Variants in VDAC1 observed in about 807,000 individuals in gnomAD.
VDAC1 encodes voltage dependent anion channel 1.
A neutral mutation model predicts 34.7 loss-of-function variants in VDAC1; 10 were observed. That is an observed-to-expected ratio of 0.29 (90% CI 0.18 to 0.49). The LOEUF (loss-of-function observed/expected upper bound fraction) is 0.49, where lower values mean the gene tolerates loss of function less well. Among genes scored for constraint, VDAC1 ranks in the 20% least tolerant of loss-of-function variants. The pLI is 0.99. For synonymous variants in VDAC1, 130 were observed against 136.0 expected (o/e 0.96, Z 0.30); for missense variants, 230 against 347.9 (o/e 0.66, Z 2.69).
At chr5:134,016,522 T>C in the VDAC1 span, among the ~76,000 whole-genome samples, 2 of 152,100 alleles carry the variant, frequency 1.3e-5, no homozygotes, top group African/African-American at 4.8e-5. Flanking sequence ...ACCCAAGCAG[T>C]TTTTCCTCGA....
chr5:133,985,514 C>T (rs193215094), intron 5 of VDAC1, among the ~76,000 whole-genome samples: 7 of 152,194 alleles, frequency 4.6e-5, no homozygotes, highest in African/African-American at 1.2e-4. Context: ...ATTAGCAGGA[C>T]GTGGTGGCAT....
the VDAC1 span, among the ~76,000 whole-genome samples, chr5:134,013,059 G>C: frequency 6.6e-6 from 1 of 152,114 alleles, no homozygotes; most frequent in Non-Finnish European, 1.5e-5. Context: ...AATGAAACTG[G>C]ACCCCTGCCT....
intron 5 of VDAC1, among the ~76,000 whole-genome samples, chr5:133,983,805 T>C (rs779760632): frequency 3.5e-4 from 53 of 152,176 alleles, no homozygotes; most frequent in African/African-American, 2.2e-4. Flanking sequence ...GGATCCCTCA[T>C]GGATTGGTGC....
At chr5:134,059,498 C>G in the VDAC1 span, among the ~76,000 whole-genome samples, 1 of 152,138 alleles carries the variant, frequency 6.6e-6, no homozygotes, top group East Asian at 1.9e-4. Flanking sequence ...TCCCCACACC[C>G]AGGGAGGGCC....
chr5:134,024,425 A>G, the VDAC1 span, among the ~76,000 whole-genome samples: 3 of 151,244 alleles, frequency 2.0e-5, no homozygotes, highest in Non-Finnish European at 4.4e-5. Flanking sequence ...GCTACTTGGG[A>G]GGCCGAAGCA....
intron 5 of VDAC1, among the ~76,000 whole-genome samples, chr5:133,984,858 C>T (rs1484810859): frequency 6.6e-6 from 1 of 152,170 alleles, no homozygotes; most frequent in East Asian, 1.9e-4. Flanking sequence ...ATCGCTGGAA[C>T]CCGGGAGGCA....
the VDAC1 span, among the ~76,000 whole-genome samples, chr5:134,068,229 A>G: frequency 1.3e-5 from 2 of 152,132 alleles, no homozygotes; most frequent in South Asian, 2.1e-4. Context: ...AACCCTCCCA[A>G]TTAGTTGCTA....
chr5:133,992,012 G>A (rs34286614), intron 3 of VDAC1, among the ~76,000 whole-genome samples: 36,545 of 152,050 alleles, frequency 0.24, 4,781 homozygotes, highest in Admixed American at 0.29. Flanking sequence ...CAAGGTGGGC[G>A]GATCACCTGA....
At chr5:133,974,322 C>A (rs1476865638) in intron 7 of VDAC1, among the ~76,000 whole-genome samples, 3 of 152,170 alleles carry the variant, frequency 2.0e-5, no homozygotes, top group Non-Finnish European at 4.4e-5. Flanking sequence ...CAGAAATGAG[C>A]CCAATAGGAT....
intron 6 of VDAC1, among the ~76,000 whole-genome samples, chr5:133,978,482 G>C (rs1183581399): frequency 2.0e-5 from 3 of 152,172 alleles, no homozygotes; most frequent in African/African-American, 7.2e-5. Flanking sequence ...TATGCTTCTA[G>C]AAAGTACAGG....
At chr5:134,096,094 G>A in the VDAC1 span, among the ~76,000 whole-genome samples, 2 of 152,308 alleles carry the variant, frequency 1.3e-5, no homozygotes, top group Non-Finnish European at 1.5e-5. Flanking sequence ...GCGTGCCAGA[G>A]GAGTTTCACT....
At chr5:134,031,814 G>C in the VDAC1 span, among the ~76,000 whole-genome samples, 1 of 151,966 alleles carries the variant, frequency 6.6e-6, no homozygotes, top group African/African-American at 2.4e-5. Context: ...AGCTGGGAAT[G>C]GTGGCAGGTG....
At chr5:134,057,493 TTATATCTATATCTATATCTATATC>T in the VDAC1 span, among the ~76,000 whole-genome samples, 1 of 134,522 alleles carries the variant, frequency 7.4e-6, no homozygotes, top group South Asian at 2.6e-4. Flanking sequence ...AAAAAAAAAT[TTATATCTATATCTATATCTATATC>T]TATATCTATA....
the VDAC1 span, among the ~76,000 whole-genome samples, chr5:134,070,813 G>A: frequency 6.6e-6 from 1 of 152,160 alleles, no homozygotes; most frequent in African/African-American, 2.4e-5. Flanking sequence ...CCAGTTCTAA[G>A]CAATGCTCCA....
the VDAC1 span, among the ~76,000 whole-genome samples, chr5:134,015,631 T>A: frequency 6.6e-6 from 1 of 151,936 alleles, no homozygotes; most frequent in Non-Finnish European, 1.5e-5. Context: ...AACGATTTTT[T>A]TTTTCTTTTT....
At chr5:134,000,350 G>C (rs1753497692) in intron 1 of VDAC1, among the ~76,000 whole-genome samples, 1 of 152,178 alleles carries the variant, frequency 6.6e-6, no homozygotes. Flanking sequence ...TGGCAGCTGG[G>C]CCACCACCAG....
the VDAC1 span, among the ~76,000 whole-genome samples, chr5:134,033,546 A>G: frequency 6.6e-6 from 1 of 152,024 alleles, no homozygotes; most frequent in Non-Finnish European, 1.5e-5. Context: ...GTGAATGGAT[A>G]GAAGTCATGC....
At chr5:134,068,798 G>A in the VDAC1 span, among the ~76,000 whole-genome samples, 1 of 152,188 alleles carries the variant, frequency 6.6e-6, no homozygotes, top group East Asian at 1.9e-4. Flanking sequence ...TCTCTCCATT[G>A]TCTTCTGCCG....
the VDAC1 span, among the ~76,000 whole-genome samples, chr5:134,039,825 G>A: frequency 6.6e-6 from 1 of 152,210 alleles, no homozygotes; most frequent in Non-Finnish European, 1.5e-5. Flanking sequence ...CAAATTAGGG[G>A]AGCAAACACT....
Sources: allele counts gnomAD v4.1 joint callset (sites outside exome capture counted in the v4.1 genomes callset), GRCh38; gene constraint gnomAD v4.1.1; transcripts MANE v1.5; gene names NCBI Gene and HGNC (gene_info 2026-07-23, HGNC 2026-07-21).